MAPT: variants seen among roughly 807,000 people sequenced by gnomAD.
The protein encoded by MAPT is microtubule associated protein tau, also known as microtubule-associated protein tau.
Under a neutral mutation model 67.9 loss-of-function variants are expected in MAPT, and 34 were observed. The ratio of observed to expected loss-of-function variants is 0.50; its 90% CI spans 0.38 to 0.67. MAPT has a LOEUF of 0.67. MAPT is among the 30% of genes least tolerant of loss of function. The pLI is 0.00. For missense variants in MAPT, 881 were observed against 1,115.2 expected (o/e 0.79, Z 2.99); for synonymous variants, 456 against 464.5 (o/e 0.98, Z 0.23).
intron 1 of MAPT, among the ~76,000 whole-genome samples, chr17:45,937,629 A>G (rs1487423566): frequency 6.6e-6 from 1 of 150,930 alleles, no homozygotes; most frequent in Non-Finnish European, 1.5e-5. Flanking sequence ...AGAGAGAGAA[A>G]GAAAAGAAAA....
chr17:45,946,615 A>AAAAAAAAAAAAAAAAATATATATAT, intron 1 of MAPT, among the ~76,000 whole-genome samples: 1 of 100,408 alleles, frequency 1.0e-5, no homozygotes, highest in Non-Finnish European at 2.0e-5. Flanking sequence ...AAAAAAAAAA[A>AAAAAAAAAAAAAAAAATATATATAT]ATATATATAT....
At chr17:46,021,789 C>T (rs1160556239) in intron 12 of MAPT, among the ~76,000 whole-genome samples, 1 of 152,160 alleles carries the variant, frequency 6.6e-6, no homozygotes, top group Non-Finnish European at 1.5e-5. Context: ...GTTTCAAACT[C>T]GTCCATGTGA....
At chr17:45,985,453 G>C (rs552384909) in intron 5 of MAPT, among the ~76,000 whole-genome samples, 2 of 152,276 alleles carry the variant, frequency 1.3e-5, no homozygotes, top group East Asian at 3.9e-4. Context: ...TGGCCTACTA[G>C]AGGTTCATAG....
chr17:45,983,491 C>T lies in MAPT; in HGVS notation c.912C>T (p.Pro304=), dbSNP rs142327009. 1 of 1,611,928 alleles carries T rather than the reference C, an allele frequency of 6.2e-7. No individual in the cohort carries two copies. The highest frequency in any genetic ancestry group is 8.5e-7 in the Non-Finnish European group (1 of 1,179,298). Residue 304 remains proline, a synonymous_variant, in exon 5 of 13, where the codon CCC becomes CCT. Transcript: ENST00000262410. The part of the protein sequence containing the change: ...DEDRDVDESS[P]QDSPPSKASP... ...ACCGCGACGTCGATGAGTCCTCCCCCCAAGACTCCCCTCCCTCCAAGGCCT... is the reference window on the plus strand; with the variant it reads ...ACCGCGACGTCGATGAGTCCTCCCCTCAAGACTCCCCTCCCTCCAAGGCCT...
rs565859583 is a variant in MAPT at position 45,940,670 on chromosome 17, A to G, written c.-17-21651A>G. 1.1e-4 allele frequency among the ~76,000 whole-genome samples: 16 copies of G among 152,278 alleles called. No homozygotes were observed. In the East Asian group the frequency reaches 2.9e-3, roughly 28 times the overall value. ...AATCTGTGAAGGGCCCCCTGGGATG[A>G]AGAACTGGCATGTTCTGTGTGGCTC... On this transcript the variant is annotated intron_variant, in intron 1 of 12. Transcript: ENST00000262410.
Position 45,982,922 on chromosome 17 carries a change from G to A in MAPT, c.343G>A (p.Glu115Lys), listed in dbSNP as rs894875614. 1 of 1,358,854 alleles carries A rather than the reference G, an allele frequency of 7.4e-7. No homozygotes were observed. The highest frequency in any genetic ancestry group is 9.5e-7 in the Non-Finnish European group (1 of 1,057,070). 84.2% of individuals were successfully genotyped at this position (1,358,854 alleles called of 1,614,324 possible). A position where few individuals can be genotyped will look rare whatever the true frequency, so the allele number is the denominator to read the frequency against. ...RKAPERPLAN[E>K]ISAHVQPGPC... ...GGCGCCTGAAAGGCCCCTGGCCAAT[G>A]AGATTAGCGCCCACGTCCAGCCTGG... The change falls in exon 5 of 13, where the codon GAG (glutamate) becomes AAG (lysine). Residue 115 changes from glutamate (E) to lysine (K), a missense_variant. This residue lies in a region of MAPT where 687 missense variants were observed against 766.1 expected (regional missense o/e 0.90). Transcript: ENST00000262410.
intron 10 of MAPT, among the ~76,000 whole-genome samples, chr17:46,012,377 G>C (rs1020011657): frequency 6.6e-6 from 1 of 152,144 alleles, no homozygotes; most frequent in Non-Finnish European, 1.5e-5. Flanking sequence ...GGGCTAGCCT[G>C]TGTCCCGCGC....
chr17:45,954,946 T>A (rs966081435), intron 1 of MAPT, among the ~76,000 whole-genome samples: 5 of 152,000 alleles, frequency 3.3e-5, no homozygotes, highest in Non-Finnish European at 7.4e-5. Flanking sequence ...ATCGTGCCAC[T>A]TGCAGTCCAG....
At chr17:45,976,636 G>A (rs989305840) in intron 3 of MAPT, 1 of 152,340 alleles carries the variant, frequency 6.6e-6, no homozygotes, top group African/African-American at 2.4e-5. Flanking sequence ...TTGCTGGAGA[G>A]CACAGGGCCC....
intron 1 of MAPT, among the ~76,000 whole-genome samples, chr17:45,912,705 C>A (rs1028554762): frequency 5.9e-5 from 9 of 152,214 alleles, no homozygotes; most frequent in African/African-American, 2.2e-4. Flanking sequence ...CCACAGGAAT[C>A]AAAAACAGTA....
chr17:45,946,671 T>C (rs1031441720), intron 1 of MAPT, among the ~76,000 whole-genome samples: 2 of 147,658 alleles, frequency 1.4e-5, no homozygotes, highest in African/African-American at 2.5e-5. Context: ...AGATCTATAG[T>C]AGTTCTAAAA....
chr17:45,980,767 G>A (rs1198237611), intron 4 of MAPT, among the ~76,000 whole-genome samples: 3 of 152,154 alleles, frequency 2.0e-5, no homozygotes, highest in Admixed American at 6.5e-5. Context: ...AGCGACTTCC[G>A]GAAGGCAGTG....
Position 46,024,645 on chromosome 17 carries a change from A to G in MAPT, c.*474A>G. 5.3e-6 allele frequency: 1 copy of G among 189,328 alleles called. No individual in the cohort carries two copies. The highest frequency in any genetic ancestry group is 9.8e-6 in the Non-Finnish European group (1 of 101,592). 11.7% of individuals were successfully genotyped at this position (189,328 alleles called of 1,614,324 possible). A position where few individuals can be genotyped will look rare whatever the true frequency, so the allele number is the denominator to read the frequency against. ...AAACTTGGTGTGTTCGTGGAGCCACAGGCAGACGATGTCAACCTTGTGTGA... is the reference window on the plus strand; with the variant it reads ...AAACTTGGTGTGTTCGTGGAGCCACGGGCAGACGATGTCAACCTTGTGTGA... On this transcript the variant is annotated 3_prime_UTR_variant, in exon 13 of 13. Coordinates refer to ENST00000262410, the MANE Select transcript of MAPT (RefSeq NM_001377265.1).
At chr17:45,964,750 C>T (rs2070859243) in intron 2 of MAPT, among the ~76,000 whole-genome samples, 1 of 151,882 alleles carries the variant, frequency 6.6e-6, no homozygotes, top group South Asian at 2.1e-4. Flanking sequence ...CTGAATTTTT[C>T]CACCTCCTCT....
chr17:45,934,428 G>A (rs1031991673), intron 1 of MAPT, among the ~76,000 whole-genome samples: 2 of 152,164 alleles, frequency 1.3e-5, no homozygotes, highest in Non-Finnish European at 2.9e-5. Context: ...TTACGCATGT[G>A]TGTATTTTTT....
intron 1 of MAPT, 46 bp from the exon 2 acceptor site, chr17:45,962,275 C>G (rs1021312739): frequency 3.5e-5 from 52 of 1,505,002 alleles, no homozygotes; most frequent in Non-Finnish European, 8.2e-6. Context: ...CCCCACTCTG[C>G]CCCCCAACAC....
chr17:45,907,124 C>T (rs1295624784), intron 1 of MAPT, among the ~76,000 whole-genome samples: 3 of 152,194 alleles, frequency 2.0e-5, no homozygotes, highest in Non-Finnish European at 4.4e-5. Context: ...CCTCGAGCTG[C>T]CTGCCCGGGT....
At chr17:45,983,980 C>T (rs1167835858) in intron 5 of MAPT, 50 bp downstream of exon 5, 3 of 1,464,310 alleles carry the variant, frequency 2.0e-6, no homozygotes, top group African/African-American at 2.8e-5. Context: ...TCCCAGGCCT[C>T]CCAGGCTGCG....
chr17:45,913,910 T>G (rs1031165715), intron 1 of MAPT, among the ~76,000 whole-genome samples: 1 of 152,146 alleles, frequency 6.6e-6, no homozygotes, highest in African/African-American at 2.4e-5. Flanking sequence ...GCTTTCATGA[T>G]GCTCACAGAA....
Sources: gnomAD v4.1 joint callset for allele counts (sites outside exome capture counted in the v4.1 genomes callset) on GRCh38, gnomAD v4.1.1 for gene constraint, gnomAD v4.1.1 regional missense constraint, MANE v1.5 for transcripts, NCBI Gene and HGNC (gene_info 2026-07-23, HGNC 2026-07-21) for gene names.